Variants in RGS3 observed in about 807,000 individuals in gnomAD.
RGS3 encodes regulator of G-protein signalling 3.
Under a neutral mutation model 132.6 loss-of-function variants are expected in RGS3, and 80 were observed. That is an observed-to-expected ratio of 0.60 (90% CI 0.50 to 0.73). The LOEUF (loss-of-function observed/expected upper bound fraction) is 0.73, where lower values mean the gene tolerates loss of function less well. Ranked by LOEUF, RGS3 falls within the 30% of genes least tolerant of loss-of-function variation. The probability of loss-of-function intolerance (pLI) is 0.00; values close to 1 mark genes in which losing one functional copy is unlikely to be tolerated. For synonymous variants in RGS3, 598 were observed against 620.6 expected, an observed-to-expected ratio of 0.96 and a Z score of 0.54; for missense variants, 1,382 against 1,530.8, an observed-to-expected ratio of 0.90 and a Z score of 1.62.
chr9:113,449,947 G>A (rs1014853276), intron 1 of RGS3, among the ~76,000 whole-genome samples: 1 of 152,006 alleles, frequency 6.6e-6, no homozygotes. Flanking sequence ...GTTTCACCAT[G>A]TTGGCCAGGC....
chr9:113,553,686 T>C (rs1462797182), intron 19 of RGS3, among the ~76,000 whole-genome samples: 2 of 150,886 alleles, frequency 1.3e-5, no homozygotes, highest in African/African-American at 4.9e-5. Context: ...TACTAAAAAA[T>C]ACAAAAATTA....
chr9:113,567,883 T>G (rs1397499534), intron 19 of RGS3, among the ~76,000 whole-genome samples: 1 of 152,230 alleles, frequency 6.6e-6, no homozygotes, highest in African/African-American at 2.4e-5. Context: ...GTGGTCTGTG[T>G]GGCTCCCTCA....
upstream of RGS3, among the ~76,000 whole-genome samples, chr9:113,459,816 A>G (rs1343574684): frequency 1.3e-5 from 2 of 152,002 alleles, no homozygotes; most frequent in Non-Finnish European, 2.9e-5. Context: ...AGGTGGGCAG[A>G]TCACCTGAGG....
intron 19 of RGS3, among the ~76,000 whole-genome samples, chr9:113,538,641 T>C (rs1343116538): frequency 6.6e-6 from 1 of 152,224 alleles, no homozygotes; most frequent in Non-Finnish European, 1.5e-5. Flanking sequence ...TGGGCTTGGC[T>C]GGCTGACCCT....
chr9:113,493,044 A>G (rs1394776298), intron 7 of RGS3, among the ~76,000 whole-genome samples: 1 of 152,258 alleles, frequency 6.6e-6, no homozygotes. Flanking sequence ...GAAGTGTACA[A>G]CAGAGTAGTA....
chr9:113,469,042 ATTTT>A (rs145400431), intron 3 of RGS3, among the ~76,000 whole-genome samples: 1 of 102,124 alleles, frequency 9.8e-6, no homozygotes, highest in Non-Finnish European at 2.0e-5. Flanking sequence ...TTTGCTCAGC[ATTTT>A]TTTTTTTTTT....
intron 19 of RGS3, among the ~76,000 whole-genome samples, chr9:113,572,211 C>T (rs755919777): frequency 8.6e-5 from 13 of 151,954 alleles, no homozygotes; most frequent in African/African-American, 1.9e-4. Context: ...GGGACTTTAT[C>T]CTAGAGGGAT....
chr9:113,583,713 C>G (rs1347520395), exon 20 of RGS3: 2 of 1,613,848 alleles, frequency 1.2e-6, no homozygotes, highest in Non-Finnish European at 1.7e-6. Context: ...TGCCACCATG[C>G]CAGGAACCCC....
chr9:113,549,684 ATTTTTCTAACCTGC>A (rs1312755714), intron 19 of RGS3, among the ~76,000 whole-genome samples: 6 of 152,092 alleles, frequency 3.9e-5, no homozygotes, highest in African/African-American at 1.4e-4. Context: ...TACTGGTGCA[ATTTTTCTAACCTGC>A]TTTTTCTCCC....
intron 19 of RGS3, among the ~76,000 whole-genome samples, chr9:113,547,536 T>G (rs914810832): frequency 6.6e-6 from 1 of 152,226 alleles, no homozygotes; most frequent in Non-Finnish European, 1.5e-5. Context: ...TTGTTTCAAC[T>G]TCACGTGTAT....
At position 113,577,731 on chromosome 9, in the gene RGS3, C is replaced by T. The variant is rs529808141; in HGVS notation, c.2038-5719C>T. Among the ~76,000 whole-genome samples the T allele has an allele frequency of 1.4e-4, 21 of 152,294 alleles. 1 individual carries two copies. The South Asian group carries it at 2.7e-3, about 20-fold the overall frequency. On this transcript the variant is annotated intron_variant, in intron 19 of 24. Coordinates refer to ENST00000350696, the Ensembl canonical transcript of RGS3. ...TCCTCCCCTAGTGAGCCCCGCCCTG[C>T]CCCTTGAGCAGATTTCGGTCTCCAG...
chr9:113,458,691 C>T (rs958035361), upstream of RGS3, among the ~76,000 whole-genome samples: 12 of 152,092 alleles, frequency 7.9e-5, no homozygotes, highest in African/African-American at 2.9e-4. Context: ...AGTGACAAAA[C>T]TGGGAGAATG....
upstream of RGS3, among the ~76,000 whole-genome samples, chr9:113,455,560 C>T (rs1829346879): frequency 6.6e-6 from 1 of 152,202 alleles, no homozygotes; most frequent in Non-Finnish European, 1.5e-5. Context: ...AAGGTTTGGT[C>T]TCTTCCACTT....
chr9:113,547,581 A>G (rs1833169650), intron 19 of RGS3, among the ~76,000 whole-genome samples: 1 of 152,258 alleles, frequency 6.6e-6, no homozygotes, highest in Non-Finnish European at 1.5e-5. Context: ...GGTGTTTTCC[A>G]TTAAAAGCAA....
chr9:113,495,782 C>T lies in RGS3; in HGVS notation c.690-4C>T. 6.2e-7 allele frequency: 1 copy of T among 1,613,910 alleles called. No homozygotes were observed. The highest frequency in any genetic ancestry group is 1.3e-5 in the African/African-American group (1 of 75,040). On this transcript the variant is annotated splice_polypyrimidine_tract_variant and splice_region_variant and intron_variant, in intron 7 of 24. Transcript: ENST00000350696. ...GCTGACTCAAGTCTCACTTGTTCTCCCAGACAGAGTGGACTCATTGGCTGC... is the reference window on the plus strand; with the variant it reads ...GCTGACTCAAGTCTCACTTGTTCTCTCAGACAGAGTGGACTCATTGGCTGC...
chr9:113,576,300 T>C (rs1358483302), intron 19 of RGS3, among the ~76,000 whole-genome samples: 3 of 151,398 alleles, frequency 2.0e-5, no homozygotes, highest in African/African-American at 7.3e-5. Context: ...AGGCTAAGAG[T>C]CTAGATGGTC....
intron 18 of RGS3, among the ~76,000 whole-genome samples, chr9:113,535,236 C>T (rs369512000): frequency 6.6e-6 from 1 of 152,040 alleles, no homozygotes; most frequent in Non-Finnish European, 1.5e-5. Context: ...TACAGTGGTG[C>T]GATCCTGGCT....
At position 113,523,283 on chromosome 9, in the gene RGS3, A is replaced by G. The variant is rs181600353; in HGVS notation, c.1870+242A>G. On this transcript the variant is annotated intron_variant, in intron 17 of 24. Transcript: ENST00000350696. ...TAGAGACTTTCCAGAGAGGCTGTGG[A>G]GTCGGGTAGGAAGAGCTTTGGATTC... Among the ~76,000 whole-genome samples the G allele has an allele frequency of 1.2e-3, 176 of 152,286 alleles. 4 individuals are homozygous for G. The East Asian group carries it at 0.033, about 29-fold the overall frequency.
chr9:113,565,179 C>T lies in RGS3; in HGVS notation c.2038-18271C>T, dbSNP rs1382374748. 1 of 1,230,796 alleles carries T rather than the reference C, an allele frequency of 8.1e-7. No individual in the cohort carries two copies. Among genetic ancestry groups the T allele is most frequent in the Non-Finnish European group, 1.0e-6 (1 of 960,216 alleles). 76.2% of individuals were successfully genotyped at this position (1,230,796 alleles called of 1,614,324 possible). A position where few individuals can be genotyped will look rare whatever the true frequency, so the allele number is the denominator to read the frequency against. On this transcript the variant is annotated intron_variant, in intron 19 of 24. Coordinates refer to ENST00000350696, the Ensembl canonical transcript of RGS3. The surrounding 1 kb of genome is among the most constrained non-coding windows in gnomAD (Gnocchi z 5.7). ...CAGCCTATGCGTGTGAGCATGTAAC[C>T]CGGGAGCCAGCTGGGCCCCTCGCGG...
Sources: gnomAD v4.1 joint callset for allele counts (sites outside exome capture counted in the v4.1 genomes callset) on GRCh38, gnomAD v4.1.1 for gene constraint, Gnocchi (gnomAD v3.1) non-coding constraint, MANE v1.5 for transcripts, NCBI Gene and HGNC (gene_info 2026-07-23, HGNC 2026-07-21) for gene names.